LINGO2: variants seen among roughly 807,000 people sequenced by gnomAD.
The protein encoded by LINGO2 is leucine-rich repeat and immunoglobulin-like domain-containing nogo receptor-interacting protein 2.
Under a neutral mutation model 30.6 loss-of-function variants are expected in LINGO2, and 14 were observed. That is an observed-to-expected ratio of 0.46 (90% confidence interval 0.30 to 0.72). The LOEUF is 0.72. Ranked by LOEUF, LINGO2 falls within the 30% of genes least tolerant of loss-of-function variation. LINGO2 has a pLI of 0.07. For synonymous variants in LINGO2, 317 were observed against 288.5 expected, an observed-to-expected ratio of 1.10 and a Z score of -1.00; for missense variants, 729 against 751.7, an observed-to-expected ratio of 0.97 and a Z score of 0.35.
chr9:28,952,321 C>T, the LINGO2 span, among the ~76,000 whole-genome samples: 4 of 152,142 alleles, frequency 2.6e-5, no homozygotes, highest in East Asian at 1.9e-4. Flanking sequence ...CCTCAAATTT[C>T]GACCTCACTA....
the LINGO2 span, among the ~76,000 whole-genome samples, chr9:29,020,648 G>A: frequency 3.9e-5 from 6 of 152,160 alleles, no homozygotes; most frequent in African/African-American, 1.4e-4. Flanking sequence ...GTACTTGGCT[G>A]CAGGAAGTCA....
chr9:28,450,641 A>G (rs1824611716), intron 2 of LINGO2, among the ~76,000 whole-genome samples: 2 of 152,048 alleles, frequency 1.3e-5, no homozygotes, highest in Non-Finnish European at 2.9e-5. Flanking sequence ...TAATTAGTTT[A>G]CTTATCAAAT....
chr9:28,044,302 A>AT lies in LINGO2; in HGVS notation c.-86-31898dup, dbSNP rs534617125. Among the ~76,000 whole-genome samples, 3 of 152,340 alleles carry AT rather than the reference A, an allele frequency of 2.0e-5. No individual in the cohort carries two copies. In the South Asian group the frequency reaches 6.2e-4, roughly 32 times the overall value. ...ATATAACACCAGAGCATAAATGGGT[A>AT]TTTTAAATGGTATACATGTTAAAAT... On this transcript the variant is annotated intron_variant, in intron 4 of 5. Coordinates refer to ENST00000379992, the Ensembl canonical transcript of LINGO2.
At chr9:28,798,794 G>A in the LINGO2 span, among the ~76,000 whole-genome samples, 2,935 of 152,194 alleles carry the variant, frequency 0.019, 39 homozygotes, top group Non-Finnish European at 0.03. Flanking sequence ...GCAAAAGCAA[G>A]TGAATGGCAC....
the LINGO2 span, among the ~76,000 whole-genome samples, chr9:28,681,884 T>C: frequency 6.6e-6 from 1 of 152,138 alleles, no homozygotes; most frequent in Non-Finnish European, 1.5e-5. Context: ...AAGCTTATGA[T>C]TCAATCAACC....
At chr9:28,437,412 C>T (rs963541618) in intron 2 of LINGO2, among the ~76,000 whole-genome samples, 122 of 152,166 alleles carry the variant, frequency 8.0e-4, no homozygotes, top group African/African-American at 2.8e-3. Context: ...CACAATTGGC[C>T]GCAGACATGT....
At chr9:28,193,272 A>G (rs1002376917) in intron 4 of LINGO2, among the ~76,000 whole-genome samples, 2 of 152,072 alleles carry the variant, frequency 1.3e-5, no homozygotes, top group Admixed American at 6.6e-5. Context: ...GCTGCTTTTC[A>G]TTTTCCATGT....
chr9:29,099,431 T>C, the LINGO2 span, among the ~76,000 whole-genome samples: 35,895 of 151,914 alleles, frequency 0.24, 4,376 homozygotes, highest in East Asian at 0.41. Context: ...AAACAATCAA[T>C]GTAGTGAAGA....
At chr9:28,274,853 T>C (rs1371718721) in intron 4 of LINGO2, among the ~76,000 whole-genome samples, 1 of 152,224 alleles carries the variant, frequency 6.6e-6, no homozygotes, top group Admixed American at 6.5e-5. Context: ...AAAGTAGCTA[T>C]GCCATTGGCT....
the LINGO2 span, among the ~76,000 whole-genome samples, chr9:28,887,495 T>A: frequency 1.3e-5 from 2 of 152,064 alleles, no homozygotes; most frequent in Non-Finnish European, 2.9e-5. Flanking sequence ...AGTGGATGAT[T>A]TGCTTTTATT....
At chr9:28,187,092 A>AAGTG (rs1819567657) in intron 4 of LINGO2, among the ~76,000 whole-genome samples, 1 of 152,154 alleles carries the variant, frequency 6.6e-6, no homozygotes, top group Non-Finnish European at 1.5e-5. Flanking sequence ...TCTGGGAAAT[A>AAGTG]AGTGATGCTG....
chr9:28,068,771 T>C (rs1161314187), intron 4 of LINGO2, among the ~76,000 whole-genome samples: 2 of 152,196 alleles, frequency 1.3e-5, no homozygotes. Context: ...AGCTTGATTT[T>C]TGAATTGGAG....
chr9:28,921,379 C>T, the LINGO2 span, among the ~76,000 whole-genome samples: 28 of 151,974 alleles, frequency 1.8e-4, no homozygotes, highest in South Asian at 4.2e-4. Context: ...TAATGAGTTT[C>T]GTAGGACCAA....
the LINGO2 span, among the ~76,000 whole-genome samples, chr9:28,803,605 G>A: frequency 2.6e-3 from 390 of 151,704 alleles, 1 homozygote; most frequent in African/African-American, 9.0e-3. Flanking sequence ...TTTCCTTAAG[G>A]GGGTCAGTGA....
intron 3 of LINGO2, among the ~76,000 whole-genome samples, chr9:28,307,323 A>G (rs1824409221): frequency 6.6e-6 from 1 of 152,240 alleles, no homozygotes; most frequent in African/African-American, 2.4e-5. Flanking sequence ...AACCAAAGAC[A>G]AAAACCACAT....
chr9:28,504,424 G>A (rs925320259), intron 1 of LINGO2, among the ~76,000 whole-genome samples: 29 of 151,640 alleles, frequency 1.9e-4, no homozygotes, highest in Admixed American at 4.6e-4. Context: ...ACAAGGGGCC[G>A]ATTTCAAAAA....
chr9:28,095,110 C>A (rs1469650114), intron 4 of LINGO2, among the ~76,000 whole-genome samples: 1 of 152,092 alleles, frequency 6.6e-6, no homozygotes, highest in African/African-American at 2.4e-5. Flanking sequence ...AAAACAATTA[C>A]ATATTTTATT....
intron 1 of LINGO2, among the ~76,000 whole-genome samples, chr9:28,638,224 T>A (rs901501529): frequency 1.3e-5 from 2 of 152,208 alleles, no homozygotes; most frequent in Non-Finnish European, 2.9e-5. Context: ...TTTTTGCCAG[T>A]ATTTAATTGA....
the LINGO2 span, among the ~76,000 whole-genome samples, chr9:29,041,493 T>C: frequency 8.5e-5 from 13 of 152,148 alleles, no homozygotes; most frequent in African/African-American, 3.1e-4. Context: ...TATAGACTTA[T>C]ACATCAATGC....
Sources: gnomAD v4.1 joint callset for allele counts (sites outside exome capture counted in the v4.1 genomes callset) on GRCh38, gnomAD v4.1.1 for gene constraint, MANE v1.5 for transcripts, NCBI Gene and HGNC (gene_info 2026-07-23, HGNC 2026-07-21) for gene names.